The following HTR2A variants were observed in gnomAD, a reference collection of about 807,000 sequenced individuals.
HTR2A encodes the protein 5-HT2 receptor.
A neutral mutation model predicts 31.0 loss-of-function variants in HTR2A; 14 were observed. The ratio of observed to expected loss-of-function variants is 0.45; its 90% CI spans 0.30 to 0.71. HTR2A has a LOEUF of 0.71. Ranked by LOEUF, HTR2A falls within the 30% of genes least tolerant of loss-of-function variation. The probability of loss-of-function intolerance (pLI) is 0.09; values close to 1 mark genes in which losing one functional copy is unlikely to be tolerated. For missense variants in HTR2A, 442 were observed against 573.3 expected, an observed-to-expected ratio of 0.77 and a Z score of 2.34; for synonymous variants, 209 against 225.2, an observed-to-expected ratio of 0.93 and a Z score of 0.64.
At chr13:46,838,866 T>C (rs1950577688) in intron 3 of HTR2A, among the ~76,000 whole-genome samples, 1 of 152,286 alleles carries the variant, frequency 6.6e-6, no homozygotes, top group Non-Finnish European at 1.5e-5. Flanking sequence ...TATTTGCTTA[T>C]AACCTAGTAA....
chr13:46,852,975 T>TG (rs1950699650), intron 3 of HTR2A, among the ~76,000 whole-genome samples: 1 of 151,884 alleles, frequency 6.6e-6, no homozygotes, highest in African/African-American at 2.4e-5. Flanking sequence ...AGGGCTTTTT[T>TG]TTTTCCTATA....
At chr13:46,884,191 A>G (rs1950988293) in intron 3 of HTR2A, among the ~76,000 whole-genome samples, 1 of 152,260 alleles carries the variant, frequency 6.6e-6, no homozygotes, top group African/African-American at 2.4e-5. Context: ...TCACGCCTGT[A>G]ATCCCAGCAC....
At position 46,896,764 on chromosome 13, in the gene HTR2A, C is replaced by A. The variant is rs1444627799; in HGVS notation, c.-419G>T. On this transcript the variant is annotated 5_prime_UTR_variant, in exon 1 of 4. An upstream open reading frame in the 5' UTR gains an earlier in-frame stop. Transcript: ENST00000542664. ...TAATTAAACTGGTGTAGAGTCCCCT[C>A]TTCTTGATCTTCCACCAGCATAATA... 6.5e-7 allele frequency: 1 copy of A among 1,536,100 alleles called. No homozygotes were observed. The highest frequency in any genetic ancestry group is 2.0e-5 in the Admixed American group (1 of 50,970).
chr13:46,874,115 A>C (rs1295991117), intron 3 of HTR2A, among the ~76,000 whole-genome samples: 1 of 152,262 alleles, frequency 6.6e-6, no homozygotes, highest in African/African-American at 2.4e-5. Flanking sequence ...TTGAAAAGAC[A>C]AAAGTGTGAC....
At chr13:46,835,912 TATA>T (rs761161696) in intron 3 of HTR2A, among the ~76,000 whole-genome samples, 42 of 152,244 alleles carry the variant, frequency 2.8e-4, no homozygotes, top group Non-Finnish European at 5.6e-4. Context: ...TTTTTCTGAT[TATA>T]ATATTATACT....
chr13:46,882,188 A>G (rs1217316569), intron 3 of HTR2A, among the ~76,000 whole-genome samples: 1 of 151,688 alleles, frequency 6.6e-6, no homozygotes, highest in African/African-American at 2.4e-5. Context: ...TTAGAGGCTG[A>G]GTTTTGAAAC....
chr13:46,879,761 T>G (rs529774356), intron 3 of HTR2A, among the ~76,000 whole-genome samples: 1 of 152,296 alleles, frequency 6.6e-6, no homozygotes, highest in South Asian at 2.1e-4. Context: ...ATCCCAACAC[T>G]TTGAAAGGCT....
In HTR2A at chr13:46,896,784, A is replaced by T. The variant is rs993497996; in HGVS notation, c.-439T>A. 42 of 1,536,802 alleles carry T rather than the reference A, an allele frequency of 2.7e-5. No individual in the cohort carries two copies. The highest frequency in any genetic ancestry group is 3.4e-5 in the Non-Finnish European group (39 of 1,146,674). ...CCCCTCTTCTTGATCTTCCACCAGC[A>T]TAATATGATAGTAATTTGGTTTCTG... is the stretch of plus-strand genomic sequence containing the variant. On this transcript the variant is annotated 5_prime_UTR_variant, in exon 1 of 4. An upstream start codon of the reference 5' UTR is lost. Coordinates refer to ENST00000542664, the MANE Select transcript of HTR2A (RefSeq NM_000621.5).
rs372619125 is a variant in HTR2A, at chr13:46,851,274, A to G, written c.614-15635T>C. On this transcript the variant is annotated intron_variant, in intron 3 of 3. Coordinates refer to ENST00000542664, the MANE Select transcript of HTR2A (RefSeq NM_000621.5). ...TATGGCAGTAATTTCTAATTTTAAA[A>G]GACATAAGAAACAAAAGTCACAGTA... Among the ~76,000 whole-genome samples the G allele has an allele frequency of 4.6e-5, 7 of 152,332 alleles. No homozygotes were observed. The East Asian group carries it at 1.2e-3, about 25-fold the overall frequency.
chr13:46,897,943 T>C (rs1037012267), upstream of HTR2A, among the ~76,000 whole-genome samples: 3 of 152,186 alleles, frequency 2.0e-5, no homozygotes, highest in African/African-American at 4.8e-5. Flanking sequence ...TCTCAGTGCT[T>C]GTTCCTACCC....
intron 3 of HTR2A, among the ~76,000 whole-genome samples, chr13:46,845,661 GA>G (rs912280345): frequency 2.1e-4 from 25 of 120,958 alleles, no homozygotes; most frequent in Admixed American, 4.0e-4. Flanking sequence ...AAAAAAAAAA[GA>G]AAAAAAGACT....
intron 3 of HTR2A, among the ~76,000 whole-genome samples, chr13:46,878,174 C>T (rs972780486): frequency 6.6e-6 from 1 of 152,100 alleles, no homozygotes; most frequent in African/African-American, 2.4e-5. Flanking sequence ...ACCCTGTGGA[C>T]AGGGAAATGT....
intron 3 of HTR2A, among the ~76,000 whole-genome samples, chr13:46,860,064 C>G (rs988281128): frequency 6.6e-6 from 1 of 152,144 alleles, no homozygotes; most frequent in Non-Finnish European, 1.5e-5. Flanking sequence ...GTCCCCCAGC[C>G]CTTACTCATT....
intron 3 of HTR2A, among the ~76,000 whole-genome samples, chr13:46,886,127 T>G (rs1164035354): frequency 5.3e-5 from 8 of 152,232 alleles, no homozygotes; most frequent in Admixed American, 5.2e-4. Flanking sequence ...TAAAGATCTA[T>G]TCTGCCACTA....
intron 3 of HTR2A, among the ~76,000 whole-genome samples, chr13:46,876,843 C>A (rs1301837227): frequency 6.6e-6 from 1 of 152,196 alleles, no homozygotes; most frequent in East Asian, 1.9e-4. Context: ...CACTGTGGAC[C>A]CTTACTAACT....
In HTR2A at chr13:46,834,954, C is replaced by T. The variant is rs1464800403; in HGVS notation, c.1299G>A (p.Lys433=). The change falls in exon 4 of 4, where the codon AAG becomes AAA. Residue 433 remains lysine (K), a synonymous_variant. Coordinates refer to ENST00000542664, the MANE Select transcript of HTR2A (RefSeq NM_000621.5). ...QLQMGQKKNS[K]QDAKTTDNDC... ...CATTATCTGTTGTCTTGGCATCTTG[C>T]TTTGAATTCTTTTTTTGTCCCATTT... 6.2e-7 allele frequency: 1 copy of T among 1,614,080 alleles called. No homozygotes were observed. Among genetic ancestry groups the T allele is most frequent in the South Asian group, 1.1e-5 (1 of 91,080 alleles).
chr13:46,845,292 T>C (rs2138192964), intron 3 of HTR2A, among the ~76,000 whole-genome samples: 1 of 152,248 alleles, frequency 6.6e-6, no homozygotes, highest in South Asian at 2.1e-4. Flanking sequence ...GGAGCTGAGC[T>C]GGGCCTGTGA....
At chr13:46,845,069 A>G (rs9567735) in intron 3 of HTR2A, among the ~76,000 whole-genome samples, 21,678 of 152,070 alleles carry the variant, frequency 0.14, 2,005 homozygotes, top group East Asian at 0.48. Context: ...TACAGAAAAT[A>G]GTACTGTGAA....
At chr13:46,842,969 G>A (rs1950611682) in intron 3 of HTR2A, among the ~76,000 whole-genome samples, 1 of 152,190 alleles carries the variant, frequency 6.6e-6, no homozygotes, top group Non-Finnish European at 1.5e-5. Flanking sequence ...CAATTCGTAA[G>A]TTTTACATTG....
Sources: gnomAD v4.1 joint callset for allele counts (sites outside exome capture counted in the v4.1 genomes callset) on GRCh38, gnomAD v4.1.1 for gene constraint, MANE v1.5 for transcripts, NCBI Gene and HGNC (gene_info 2026-07-23, HGNC 2026-07-21) for gene names.